STOML3: variants seen among roughly 807,000 people sequenced by gnomAD.
STOML3 encodes the protein stomatin-like protein 3.
A neutral mutation model predicts 29.5 loss-of-function variants in STOML3; 31 were observed. The ratio of observed to expected loss-of-function variants is 1.05; its 90% confidence interval spans 0.79 to 1.42. The LOEUF (loss-of-function observed/expected upper bound fraction) is 1.42. Among genes scored for constraint, STOML3 ranks in the 40% most tolerant of loss-of-function variants. The probability of loss-of-function intolerance (pLI) is 0.00; values close to 1 mark genes in which losing one functional copy is unlikely to be tolerated. For missense variants in STOML3, 380 were observed against 363.0 expected (o/e 1.05, Z -0.38); for synonymous variants, 122 against 139.8 (o/e 0.87, Z 0.90).
rs201429107 is a variant in STOML3, at chr13:38,970,264, G to C, written c.437C>G (p.Thr146Ser). The change falls in exon 5 of 7, where the codon ACC (threonine) becomes AGC (serine). Residue 146 changes from threonine (T) to serine (S), a missense_variant. Physicochemically the swap from Thr to Ser is moderately conservative, Grantham distance 58. Transcript: ENST00000379631. ...VHQATFLLAQTTLRNVLGTQT... is the reference protein window; with the variant it reads ...VHQATFLLAQSTLRNVLGTQT... ...TGTCCCTAAGACATTTCTCAGAGTG[G>C]TTTGAGCCAGCAGAAATGTTGCTTG... is the stretch of plus-strand genomic sequence containing the variant. The C allele has an allele frequency of 9.3e-6, 15 of 1,614,066 alleles. No individual in the cohort carries two copies. The highest frequency in any genetic ancestry group is 1.1e-5 in the South Asian group (1 of 91,090).
chr13:38,982,314 G>GT (rs1411528192), intron 1 of STOML3, among the ~76,000 whole-genome samples: 1 of 151,038 alleles, frequency 6.6e-6, no homozygotes, highest in African/African-American at 2.4e-5. Context: ...TTTTTTCTTT[G>GT]TTTTTAAAAT....
intron 3 of STOML3, among the ~76,000 whole-genome samples, chr13:38,975,855 A>T (rs1881055131): frequency 6.6e-6 from 1 of 152,140 alleles, no homozygotes; most frequent in African/African-American, 2.4e-5. Flanking sequence ...TTAAAACATG[A>T]CTATTTGGAA....
intron 3 of STOML3, among the ~76,000 whole-genome samples, chr13:38,973,096 T>TAAAAAAAAAA (rs71074495): frequency 1.2e-4 from 4 of 32,570 alleles, no homozygotes; most frequent in South Asian, 1.6e-3. Flanking sequence ...CCGTCTCTAC[T>TAAAAAAAAAA]AAAAAAAAAA....
chr13:38,976,533 T>C lies in STOML3; in HGVS notation c.229+7A>G, dbSNP rs1234246898. 6.2e-7 allele frequency: 1 copy of C among 1,614,024 alleles called. No homozygotes were observed. Reference sequence around the variant, plus strand: ...TCTTTCAGGGGCAGCCACCGCGTCATTCATACCTGGCCCCTTGGCTTTGTC... The same window carrying C: ...TCTTTCAGGGGCAGCCACCGCGTCACTCATACCTGGCCCCTTGGCTTTGTC... On this transcript the variant is annotated splice_region_variant and intron_variant, in intron 3 of 6. Transcript: ENST00000379631.
At chr13:38,977,239 G>A (rs1181449863) in intron 1 of STOML3, among the ~76,000 whole-genome samples, 1 of 152,190 alleles carries the variant, frequency 6.6e-6, no homozygotes, top group Non-Finnish European at 1.5e-5. Flanking sequence ...GGGAGACAAT[G>A]TGGTACATGG....
intron 1 of STOML3, among the ~76,000 whole-genome samples, chr13:38,988,332 T>TC (rs1287269172): frequency 1.3e-4 from 11 of 85,218 alleles, no homozygotes; most frequent in African/African-American, 6.5e-4. Flanking sequence ...ATATTTTATA[T>TC]ATAATATATT....
At chr13:38,979,306 T>C (rs548375204) in intron 1 of STOML3, among the ~76,000 whole-genome samples, 1 of 152,306 alleles carries the variant, frequency 6.6e-6, no homozygotes, top group East Asian at 1.9e-4. Flanking sequence ...AGTGCTTTTT[T>C]AGTATTCATG....
chr13:38,973,052 A>G lies in STOML3; in HGVS notation c.230-458T>C, dbSNP rs549811517. 1.7e-3 allele frequency among the ~76,000 whole-genome samples: 234 copies of G among 135,030 alleles called. 1 individual carries two copies. The highest frequency in any genetic ancestry group is 1.9e-4 in the Non-Finnish European group (12 of 64,524). 88.6% of individuals were successfully genotyped at this position (135,030 alleles called of 152,430 possible). A position where few individuals can be genotyped will look rare whatever the true frequency, so the allele number is the denominator to read the frequency against. On this transcript the variant is annotated intron_variant, in intron 3 of 6. Transcript: ENST00000379631. Reference sequence around the variant, plus strand: ...GGCAGGCAGATCACCTGAGGTCAGGAGTTCAAGACCAGCCTGGCCAACATG... The same window carrying G: ...GGCAGGCAGATCACCTGAGGTCAGGGGTTCAAGACCAGCCTGGCCAACATG...
chr13:38,979,972 C>G, intron 1 of STOML3: 1 of 1,413,590 alleles, frequency 7.1e-7, no homozygotes, highest in Non-Finnish European at 9.8e-7. Context: ...TGGAGCCAAG[C>G]CCTGGACATT....
chr13:38,988,027 T>G (rs188884422), intron 1 of STOML3, among the ~76,000 whole-genome samples: 76 of 106,642 alleles, frequency 7.1e-4, no homozygotes, highest in African/African-American at 2.7e-3. Context: ...TATAATATAT[T>G]ATATTTTATA....
chr13:38,975,159 A>G (rs950363112), intron 3 of STOML3, among the ~76,000 whole-genome samples: 5 of 151,936 alleles, frequency 3.3e-5, no homozygotes, highest in African/African-American at 1.2e-4. Flanking sequence ...GTGAAACCCC[A>G]TCTCTACAAA....
At chr13:38,975,149 G>A (rs1881023937) in intron 3 of STOML3, among the ~76,000 whole-genome samples, 1 of 151,876 alleles carries the variant, frequency 6.6e-6, no homozygotes, top group Non-Finnish European at 1.5e-5. Flanking sequence ...GGCCAACATG[G>A]TGAAACCCCA....
rs1566211597 is a variant in STOML3, at chr13:38,988,270, TATATATAAAATATA to T, written c.52+2386_52+2399del. 3.7e-5 allele frequency among the ~76,000 whole-genome samples: 3 copies of T among 81,872 alleles called. 1 individual carries two copies. The highest frequency in any genetic ancestry group is 1.7e-4 in the African/African-American group (3 of 17,152). The allele number at this position is 81,872 out of a possible 152,430, so 53.7% of individuals were successfully genotyped here. On this transcript the variant is annotated intron_variant, in intron 1 of 6. Coordinates refer to ENST00000379631, the MANE Select transcript of STOML3 (RefSeq NM_145286.3). ...ATATATTATATTTTATATCATATAT[TATATATAAAATATA>T]TTATATTTTATATCATATATTTTAT...
intron 6 of STOML3, 124 bp downstream of exon 6, chr13:38,968,272 AAAAC>A: frequency 7.4e-7 from 1 of 1,351,140 alleles, no homozygotes; most frequent in Non-Finnish European, 9.9e-7. Context: ...AATTCTCAGT[AAAAC>A]TGTGAAAAGA....
At chr13:38,980,571 T>C (rs1881238033) in intron 1 of STOML3, among the ~76,000 whole-genome samples, 2 of 152,144 alleles carry the variant, frequency 1.3e-5, no homozygotes, top group South Asian at 4.1e-4. Flanking sequence ...ACCTTTTTGG[T>C]CACTAAGTGA....
intron 1 of STOML3, among the ~76,000 whole-genome samples, chr13:38,989,927 T>TCA (rs148165094): frequency 3.3e-5 from 5 of 151,072 alleles, no homozygotes; most frequent in South Asian, 2.1e-4. Flanking sequence ...CACACCATCA[T>TCA]CACACACACA....
intron 3 of STOML3, among the ~76,000 whole-genome samples, chr13:38,975,084 C>T (rs1881020346): frequency 6.6e-6 from 1 of 152,044 alleles, no homozygotes; most frequent in African/African-American, 2.4e-5. Context: ...AATCCCAGCA[C>T]TTTGAGAGGT....
In STOML3 at chr13:38,972,573, C is replaced by T. The variant is rs753818212; in HGVS notation, c.251G>A (p.Cys84Tyr). 2.5e-6 allele frequency: 4 copies of T among 1,613,984 alleles called. No individual in the cohort carries two copies. The highest frequency in any genetic ancestry group is 2.5e-6 in the Non-Finnish European group (3 of 1,179,928). Residue 84 changes from cysteine (C) to tyrosine (Y), a missense_variant, in exon 4 of 7, where the codon TGC becomes TAC. Cys to Tyr is a radical substitution (Grantham distance 194, BLOSUM62 -2). Coordinates refer to ENST00000379631, the MANE Select transcript of STOML3 (RefSeq NM_145286.3). ...KGPGLILVLP[C>Y]IDVFVKVDLR... is the part of the protein sequence containing the mutation. ...GTCAACTTTGACAAACACATCTATG[C>T]ATGGCAGGACCAGGATCAAACCTAT... is the stretch of plus-strand genomic sequence containing the variant.
intron 1 of STOML3, 115 bp downstream of exon 1, chr13:38,990,555 G>A: frequency 1.0e-6 from 1 of 988,456 alleles, no homozygotes; most frequent in Middle Eastern, 2.2e-4. Flanking sequence ...AAATGAAATT[G>A]AGGCCGATTT....
Sources: allele counts gnomAD v4.1 joint callset (sites outside exome capture counted in the v4.1 genomes callset), GRCh38; gene constraint gnomAD v4.1.1; transcripts MANE v1.5; gene names NCBI Gene and HGNC (gene_info 2026-07-23, HGNC 2026-07-21).